The following MAGI1 variants were observed in gnomAD, a reference collection of about 807,000 sequenced individuals.
MAGI1 encodes the protein membrane associated guanylate kinase, WW and PDZ domain containing 1, also known as membrane-associated guanylate kinase, WW and PDZ domain-containing protein 1.
In MAGI1, 58 loss-of-function variants were observed where a neutral mutation model predicts 139.9. That is an observed-to-expected ratio of 0.41 (90% CI 0.34 to 0.52). The LOEUF is 0.52. Ranked by LOEUF, MAGI1 falls within the 20% of genes least tolerant of loss-of-function variation. The probability of loss-of-function intolerance (pLI) is 0.12; values close to 1 mark genes in which losing one functional copy is unlikely to be tolerated. For missense variants in MAGI1, 1,874 were observed against 1,901.6 expected (o/e 0.99, Z 0.27); for synonymous variants, 812 against 737.9 (o/e 1.10, Z -1.63).
chr3:65,819,256 G>C (rs2041796589), intron 1 of MAGI1, among the ~76,000 whole-genome samples: 1 of 152,056 alleles, frequency 6.6e-6, no homozygotes, highest in Non-Finnish European at 1.5e-5. Flanking sequence ...TGCACAGCCT[G>C]GGCAAAAAGA....
At chr3:65,831,578 G>T (rs2042530939) in intron 1 of MAGI1, among the ~76,000 whole-genome samples, 1 of 152,158 alleles carries the variant, frequency 6.6e-6, no homozygotes, top group Non-Finnish European at 1.5e-5. Flanking sequence ...ACTCTTGAAA[G>T]TTGGCATGCT....
At chr3:65,390,337 T>C (rs1490036229) in intron 14 of MAGI1, among the ~76,000 whole-genome samples, 2 of 152,180 alleles carry the variant, frequency 1.3e-5, no homozygotes, top group East Asian at 1.9e-4. Flanking sequence ...AAATGAGGTA[T>C]CTGTCCTTCA....
chr3:65,766,380 G>C (rs2037475745), intron 1 of MAGI1, among the ~76,000 whole-genome samples: 1 of 152,156 alleles, frequency 6.6e-6, no homozygotes, highest in Non-Finnish European at 1.5e-5. Context: ...ATTTTAGGAG[G>C]AACATAAACT....
At chr3:65,544,916 T>C (rs1488314378) in intron 2 of MAGI1, among the ~76,000 whole-genome samples, 2 of 152,244 alleles carry the variant, frequency 1.3e-5, no homozygotes, top group Non-Finnish European at 2.9e-5. Context: ...TTTATAAATA[T>C]AAACAGCCAC....
At chr3:65,758,749 T>C (rs2036761088) in intron 1 of MAGI1, among the ~76,000 whole-genome samples, 1 of 151,978 alleles carries the variant, frequency 6.6e-6, no homozygotes, top group African/African-American at 2.4e-5. Context: ...TATGGCAAGG[T>C]TGAGAAACTG....
intron 1 of MAGI1, among the ~76,000 whole-genome samples, chr3:65,741,437 G>T (rs1186487111): frequency 6.6e-6 from 1 of 152,196 alleles, no homozygotes; most frequent in Non-Finnish European, 1.5e-5. Flanking sequence ...GCCTCCCAAA[G>T]TGCTGGGATT....
intron 2 of MAGI1, among the ~76,000 whole-genome samples, chr3:65,516,477 G>A (rs1438244351): frequency 1.3e-5 from 2 of 151,578 alleles, no homozygotes; most frequent in South Asian, 2.1e-4. Context: ...GTGCCTGGCC[G>A]ACCCTGTCTC....
At chr3:65,600,602 A>G (rs1576442049) in intron 2 of MAGI1, among the ~76,000 whole-genome samples, 3 of 151,182 alleles carry the variant, frequency 2.0e-5, no homozygotes, top group Middle Eastern at 3.4e-3. Context: ...CAAAATTAAA[A>G]CCAGTAGGTC....
chr3:65,803,628 C>T (rs1415488238), intron 1 of MAGI1, among the ~76,000 whole-genome samples: 1 of 152,088 alleles, frequency 6.6e-6, no homozygotes, highest in Non-Finnish European at 1.5e-5. Flanking sequence ...GTTTGTTGAA[C>T]AGATTATTTC....
intron 13 of MAGI1, among the ~76,000 whole-genome samples, chr3:65,395,636 C>CAAAAAAAGAAAAAAAAAAAAAAAAAA (rs1944323866): frequency 5.2e-5 from 1 of 19,172 alleles, no homozygotes; most frequent in Non-Finnish European, 1.1e-4. Flanking sequence ...GACTCCATCT[C>CAAAAAAAGAAAAAAAAAAAAAAAAAA]AAAAAAAAAA....
intron 4 of MAGI1, among the ~76,000 whole-genome samples, chr3:65,476,222 TGTAA>T (rs1366326731): frequency 3.3e-5 from 5 of 152,164 alleles, no homozygotes; most frequent in Admixed American, 1.3e-4. Flanking sequence ...GGTACACTGT[TGTAA>T]GTGAGGGGAC....
At chr3:66,001,208 G>A (rs2066720944) in intron 1 of MAGI1, among the ~76,000 whole-genome samples, 1 of 152,112 alleles carries the variant, frequency 6.6e-6, no homozygotes. Context: ...GAACAAGTAG[G>A]AATTGGTTCG....
intron 2 of MAGI1, among the ~76,000 whole-genome samples, chr3:65,541,919 A>G (rs1192353250): frequency 6.6e-6 from 1 of 152,192 alleles, no homozygotes; most frequent in Non-Finnish European, 1.5e-5. Flanking sequence ...AGTTCTGGCC[A>G]GGGCAATCAG....
At chr3:65,904,242 A>G (rs264680) in intron 1 of MAGI1, among the ~76,000 whole-genome samples, 1,623 of 152,312 alleles carry the variant, frequency 0.011, 25 homozygotes, top group African/African-American at 0.037. Flanking sequence ...GAGGGCAAGA[A>G]TGGCCTGGAA....
intron 1 of MAGI1, among the ~76,000 whole-genome samples, chr3:65,858,834 C>A (rs2059450902): frequency 6.6e-6 from 1 of 152,174 alleles, no homozygotes; most frequent in South Asian, 2.1e-4. Flanking sequence ...AGTAATAAAT[C>A]AAATCCTATT....
intron 2 of MAGI1, among the ~76,000 whole-genome samples, chr3:65,621,026 A>T (rs1040147933): frequency 1.0e-4 from 14 of 140,126 alleles, no homozygotes; most frequent in East Asian, 4.0e-4. Context: ...TTTTTTTTTT[A>T]AAAGAAAACC....
At chr3:65,361,995 T>A (rs1008626436) in intron 21 of MAGI1, among the ~76,000 whole-genome samples, 3 of 152,224 alleles carry the variant, frequency 2.0e-5, no homozygotes, top group Admixed American at 1.3e-4. Context: ...GCCACTATTT[T>A]AGACACTGGA....
intron 12 of MAGI1, among the ~76,000 whole-genome samples, chr3:65,425,864 A>T: frequency 6.6e-6 from 1 of 152,168 alleles, no homozygotes; most frequent in Non-Finnish European, 1.5e-5. Flanking sequence ...TAAAAAAAGT[A>T]AAAAATCCTT....
intron 1 of MAGI1, among the ~76,000 whole-genome samples, chr3:65,939,461 T>C (rs2063209276): frequency 6.6e-6 from 1 of 152,194 alleles, no homozygotes; most frequent in African/African-American, 2.4e-5. Flanking sequence ...CAGTGGATCT[T>C]AAATTACTCA....
Sources: gnomAD v4.1 joint callset for allele counts (sites outside exome capture counted in the v4.1 genomes callset) on GRCh38, gnomAD v4.1.1 for gene constraint, MANE v1.5 for transcripts, NCBI Gene and HGNC (gene_info 2026-07-23, HGNC 2026-07-21) for gene names.